NAV1: variants seen among roughly 807,000 people sequenced by gnomAD.
The protein encoded by NAV1 is pore membrane and/or filament interacting like protein 3.
NAV1 carries 18 observed loss-of-function variants against 175.2 expected under a neutral mutation model. The observed-to-expected ratio is 0.10, with a 90% CI of 0.07 to 0.15. NAV1 has a LOEUF of 0.15. NAV1 is among the 10% of genes least tolerant of loss of function. NAV1 has a pLI of 1.00. For missense variants in NAV1, 1,731 were observed against 2,436.6 expected (o/e 0.71, Z 6.10); for synonymous variants, 897 against 978.7 (o/e 0.92, Z 1.56).
At chr1:201,646,051 C>A (rs1317046669), upstream of NAV1, among the ~76,000 whole-genome samples, 2 of 152,184 alleles carry the variant, frequency 1.3e-5, no homozygotes, top group Non-Finnish European at 2.9e-5. Context: ...GGGGCTTGAT[C>A]CCTTGCTTGA....
chr1:201,665,667 G>T lies in NAV1; in HGVS notation c.757+16242G>T, dbSNP rs1669798655. Reference sequence around the variant, plus strand: ...TCCCTTGGCTGAAAGACAAAGAGAGGGTAAGACCAGGGTGCTTCTTAGAAC... The same window carrying T: ...TCCCTTGGCTGAAAGACAAAGAGAGTGTAAGACCAGGGTGCTTCTTAGAAC... On this transcript the variant is annotated intron_variant, in intron 1 of 29. Transcript: ENST00000367296. Among the ~76,000 whole-genome samples, 3 of 146,386 alleles carry T rather than the reference G, an allele frequency of 2.0e-5. No homozygotes were observed. The Admixed American group carries it at 2.2e-4, about 11-fold the overall frequency.
Position 201,782,382 on chromosome 1 carries a change from G to C in NAV1, c.1870G>C (p.Gly624Arg). 6.2e-7 allele frequency: 1 copy of C among 1,614,116 alleles called. No individual in the cohort carries two copies. Among genetic ancestry groups the C allele is most frequent in the Non-Finnish European group, 8.5e-7 (1 of 1,180,020 alleles). ...CACAGCCACTGTCATGCAAACTGGT[G>C]GTTCAGCCACTCTCAGCAAGATCCA... Residue 624 changes from glycine to arginine, a missense_variant, in exon 6 of 30, where the codon GGT becomes CGT. Gly to Arg is a moderately radical substitution (Grantham distance 125). Coordinates refer to ENST00000367296, the Ensembl canonical transcript of NAV1. The surrounding 1 kb of genome is among the most constrained non-coding windows in gnomAD (Gnocchi z 5.4).
intron 1 of NAV1, among the ~76,000 whole-genome samples, chr1:201,651,319 G>A (rs960072968): frequency 5.3e-5 from 8 of 152,202 alleles, no homozygotes; most frequent in Admixed American, 4.6e-4. Flanking sequence ...CACTGTCCCA[G>A]AAGCTGACTG....
intron 3 of NAV1, chr1:201,739,632 T>A (rs1673271926): frequency 4.0e-6 from 1 of 252,198 alleles, no homozygotes; most frequent in Non-Finnish European, 6.5e-6. Context: ...ATCCCAGGGG[T>A]TAATTTCGGA....
At chr1:201,590,079 G>A (rs1428418350) in intron 2 of NAV1, among the ~76,000 whole-genome samples, 1 of 152,034 alleles carries the variant, frequency 6.6e-6, no homozygotes, top group East Asian at 1.9e-4. Flanking sequence ...TTTTAGTGGA[G>A]ATGGGATTTC....
At chr1:201,826,042 G>A (rs1679651871) in exon 30 of NAV1, 1 of 152,234 alleles carries the variant, frequency 6.6e-6, no homozygotes. Context: ...GGGCCATGGA[G>A]GAGATGAGGC....
chr1:201,795,687 G>A (rs1004396701), intron 15 of NAV1: 1 of 151,142 alleles, frequency 6.6e-6, no homozygotes, highest in Non-Finnish European at 1.5e-5. Context: ...CACTTTCACT[G>A]CAGTCACCAG....
intron 2 of NAV1, among the ~76,000 whole-genome samples, chr1:201,608,614 T>C (rs1667759654): frequency 6.6e-6 from 1 of 152,216 alleles, no homozygotes; most frequent in Non-Finnish European, 1.5e-5. Flanking sequence ...GACAGAAGTC[T>C]CCCATAAGCT....
At chr1:201,655,516 A>T (rs887808893) in intron 1 of NAV1, among the ~76,000 whole-genome samples, 1 of 152,148 alleles carries the variant, frequency 6.6e-6, no homozygotes, top group African/African-American at 2.4e-5. Context: ...CTCCTATAGG[A>T]GGCAGACATC....
At chr1:201,590,603 A>G (rs959886757) in intron 2 of NAV1, among the ~76,000 whole-genome samples, 7 of 152,192 alleles carry the variant, frequency 4.6e-5, no homozygotes, top group African/African-American at 1.2e-4. Flanking sequence ...TAATGACTGC[A>G]TGCTGCGAGG....
chr1:201,660,169 C>T (rs978072043), intron 1 of NAV1, among the ~76,000 whole-genome samples: 2 of 152,190 alleles, frequency 1.3e-5, no homozygotes, highest in African/African-American at 2.4e-5. Flanking sequence ...AGAGTCACAA[C>T]AGCAGGGAAG....
rs552434928 is a variant in NAV1 at position 201,593,364 on chromosome 1, C to T, written c.-33+4715C>T. ...CTTCCTCTCCCATGGGAAAGGCTAA[C>T]GCATGCCCATAAATTAAGACATTTG... On this transcript the variant is annotated intron_variant, in intron 2 of 33. Transcript: ENST00000685211. Among the ~76,000 whole-genome samples, 37 of 152,310 alleles carry T rather than the reference C, an allele frequency of 2.4e-4. No individual in the cohort carries two copies. In the South Asian group the frequency reaches 4.1e-3, roughly 17 times the overall value.
Position 201,788,752 on chromosome 1 carries a change from A to T in NAV1, c.3166+114A>T. 1 of 1,269,786 alleles carries T rather than the reference A, an allele frequency of 7.9e-7. No homozygotes were observed. Among genetic ancestry groups the T allele is most frequent in the African/African-American group, 1.5e-5 (1 of 66,830 alleles). 78.7% of individuals were successfully genotyped at this position (1,269,786 alleles called of 1,614,324 possible). ...CACACACATATATGATTCACAGAACATCAAGTTGGGCCATTTCAGTTTTTT... is the reference window on the plus strand; with the variant it reads ...CACACACATATATGATTCACAGAACTTCAAGTTGGGCCATTTCAGTTTTTT... On this transcript the variant is annotated intron_variant, in intron 10 of 29. Transcript: ENST00000367296. This position sits in a 1 kb window ranked among gnomAD's most constrained non-coding sequence, Gnocchi z 5.7.
upstream of NAV1, among the ~76,000 whole-genome samples, chr1:201,645,115 G>A (rs978807678): frequency 3.3e-5 from 5 of 152,104 alleles, no homozygotes; most frequent in South Asian, 2.1e-4. Context: ...TGTTTATAGC[G>A]GCACTATTCA....
chr1:201,590,942 G>A (rs1330896527), intron 2 of NAV1, among the ~76,000 whole-genome samples: 1 of 152,176 alleles, frequency 6.6e-6, no homozygotes, highest in African/African-American at 2.4e-5. Context: ...CCAACCTGGT[G>A]CTCCTTGCCT....
At chr1:201,609,425 G>T (rs1326701653) in intron 2 of NAV1, among the ~76,000 whole-genome samples, 1 of 152,180 alleles carries the variant, frequency 6.6e-6, no homozygotes, top group Non-Finnish European at 1.5e-5. Context: ...GAGGGCTTTA[G>T]GAACAGTCCG....
chr1:201,577,150 C>T (rs919941046), intron 1 of NAV1, among the ~76,000 whole-genome samples: 1 of 152,146 alleles, frequency 6.6e-6, no homozygotes, highest in African/African-American at 2.4e-5. Flanking sequence ...CTATGCCTGG[C>T]CTGACTGTTG....
chr1:201,705,693 G>C (rs1233448574), intron 1 of NAV1, among the ~76,000 whole-genome samples: 6 of 152,182 alleles, frequency 3.9e-5, no homozygotes, highest in African/African-American at 1.4e-4. Context: ...ATCCTCCATG[G>C]AAATGGGGTG....
At chr1:201,716,798 A>G (rs1452359279) in intron 2 of NAV1, among the ~76,000 whole-genome samples, 1 of 152,184 alleles carries the variant, frequency 6.6e-6, no homozygotes, top group East Asian at 1.9e-4. Flanking sequence ...GGGTCACTTG[A>G]GCTCGGGAGG....
Sources: gnomAD v4.1 joint callset for allele counts (sites outside exome capture counted in the v4.1 genomes callset) on GRCh38, gnomAD v4.1.1 for gene constraint, Gnocchi (gnomAD v3.1) non-coding constraint, MANE v1.5 for transcripts, NCBI Gene and HGNC (gene_info 2026-07-23, HGNC 2026-07-21) for gene names.